Variants in MCL1 observed in about 807,000 individuals in gnomAD.
The protein encoded by MCL1 is induced myeloid leukemia cell differentiation protein Mcl-1.
A neutral mutation model predicts 24.2 loss-of-function variants in MCL1; 4 were observed. That is an observed-to-expected ratio of 0.17 (90% CI 0.08 to 0.38). The LOEUF is 0.38. Ranked by LOEUF, MCL1 falls within the 10% of genes least tolerant of loss-of-function variation. The pLI, the probability that MCL1 is intolerant of heterozygous loss-of-function variation, is 1.00. For missense variants in MCL1, 529 were observed against 480.3 expected, an observed-to-expected ratio of 1.10 and a Z score of -0.95; for synonymous variants, 248 against 214.0, an observed-to-expected ratio of 1.16 and a Z score of -1.39.
chr1:150,578,759 G>T, intron 1 of MCL1, 84 bp downstream of exon 1: 1 of 1,468,364 alleles, frequency 6.8e-7, no homozygotes, highest in Non-Finnish European at 9.3e-7. Flanking sequence ...ACTCGTTTCG[G>T]TTTCCAACCC....
intron 2 of MCL1, 66 bp downstream of exon 2, chr1:150,578,176 CCT>C (rs1647895328): frequency 2.6e-6 from 4 of 1,543,082 alleles, no homozygotes; most frequent in East Asian, 2.3e-5. Context: ...GATATCCCCA[CCT>C]CTCTAAAAAA....
intron 2 of MCL1, 54 bp downstream of exon 2, chr1:150,578,190 A>C: frequency 1.3e-6 from 2 of 1,571,168 alleles, no homozygotes; most frequent in South Asian, 2.4e-5. Context: ...TCTAAAAAAA[A>C]TCCTTCATTC....
In MCL1 at chr1:150,576,750, A is replaced by G; in HGVS notation, c.*625T>C. 1 of 232,678 alleles carries G rather than the reference A, an allele frequency of 4.3e-6. No homozygotes were observed. Among genetic ancestry groups the G allele is most frequent in the Non-Finnish European group, 8.5e-6 (1 of 117,612 alleles). 14.4% of individuals were successfully genotyped at this position (232,678 alleles called of 1,614,324 possible). On this transcript the variant is annotated 3_prime_UTR_variant, in exon 3 of 3. Transcript: ENST00000369026. Reference sequence around the variant, plus strand: ...TATCCATATTCATAACTAATTACTGAGCCTTCCGTCAAGTATTATTGGTGA... The same window carrying G: ...TATCCATATTCATAACTAATTACTGGGCCTTCCGTCAAGTATTATTGGTGA...
chr1:150,579,061 T>C lies in MCL1; in HGVS notation c.470A>G (p.Asp157Gly), dbSNP rs1363636001. 1.2e-6 allele frequency: 2 copies of C among 1,613,252 alleles called. No homozygotes were observed. Among genetic ancestry groups the C allele is most frequent in the Non-Finnish European group, 1.7e-6 (2 of 1,180,032 alleles). The change falls in exon 1 of 3, where the codon GAC becomes GGC. Residue 157 changes from aspartate to glycine, a missense_variant. Physicochemically the swap from Asp to Gly is moderately conservative, Grantham distance 94 (BLOSUM62 -1). Transcript: ENST00000369026. ...VGESGNNTST[D>G]GSLPSTPPPA... is the part of the protein sequence containing the mutation. ...CGGCGGCGTCGAGGGTAGTGACCCG[T>C]CCGTACTGGTGTTATTACCAGATTC...
chr1:150,578,699 G>T, intron 1 of MCL1, 144 bp downstream of exon 1: 1 of 1,048,522 alleles, frequency 9.5e-7, no homozygotes, highest in Non-Finnish European at 1.4e-6. Flanking sequence ...AATGACTCAT[G>T]GCCAGAATAT....
rs1647788048 is a variant in MCL1 at position 150,576,102 on chromosome 1, A to G, written c.*1273T>C. 4.3e-6 allele frequency: 1 copy of G among 233,506 alleles called. No individual in the cohort carries two copies. Among genetic ancestry groups the G allele is most frequent in the Non-Finnish European group, 8.5e-6 (1 of 118,018 alleles). The allele number at this position is 233,506 out of a possible 1,614,324, so 14.5% of individuals were successfully genotyped here. On this transcript the variant is annotated 3_prime_UTR_variant, in exon 3 of 3. Transcript: ENST00000369026. Reference sequence around the variant, plus strand: ...CATTTTATAATTTATTAAGCAAACAAGGGATCAAATGTCTCTCCATCCACC... The same window carrying G: ...CATTTTATAATTTATTAAGCAAACAGGGGATCAAATGTCTCTCCATCCACC...
chr1:150,579,266 C>G lies in MCL1; in HGVS notation c.265G>C (p.Val89Leu), dbSNP rs1165131663. ...PPPIGAEVPD[V>L]TATPARLLFF... ...AGCAGCCTCGCGGGGGTCGCGGTGA[C>G]GTCGGGGACCTCGGCGCCAATGGGC... The change falls in exon 1 of 3, where the codon GTC (valine) becomes CTC (leucine). Residue 89 changes from valine to leucine, a missense_variant. Physicochemically the swap from Val to Leu is conservative, Grantham distance 32. Coordinates refer to ENST00000369026, the MANE Select transcript of MCL1 (RefSeq NM_021960.5). The G allele has an allele frequency of 6.7e-7, 1 of 1,494,056 alleles. No homozygotes were observed. Among genetic ancestry groups the G allele is most frequent in the Non-Finnish European group, 8.9e-7 (1 of 1,127,958 alleles). The allele number at this position is 1,494,056 out of a possible 1,614,324, so 92.5% of individuals were successfully genotyped here. A position where few individuals can be genotyped will look rare whatever the true frequency, so the allele number is the denominator to read the frequency against.
At position 150,577,012 on chromosome 1, in the gene MCL1, C is replaced by T. The variant is rs74124936; in HGVS notation, c.*363G>A. The T allele has an allele frequency of 0.012, 3,346 of 286,782 alleles. 98 individuals are homozygous for T. The highest frequency in any genetic ancestry group is 0.066 in the African/African-American group (3,084 of 46,774). The allele number at this position is 286,782 out of a possible 1,614,324, so 17.8% of individuals were successfully genotyped here. ...CACTACAGTAAATTAATGAATTCGG[C>T]GGGTAATCAATTCTATGACTTGCCT... On this transcript the variant is annotated 3_prime_UTR_variant, in exon 3 of 3. Coordinates refer to ENST00000369026, the MANE Select transcript of MCL1 (RefSeq NM_021960.5).
In MCL1 at chr1:150,578,282, T is replaced by C. The variant is rs1371459638; in HGVS notation, c.898A>G (p.Arg300Gly). 1 of 1,614,218 alleles carries C rather than the reference T, an allele frequency of 6.2e-7. No homozygotes were observed. Among genetic ancestry groups the C allele is most frequent in the Admixed American group, 1.7e-5 (1 of 60,030 alleles). Residue 300 changes from arginine (R) to glycine (G), a missense_variant, in exon 2 of 3, where the codon AGG (arginine) becomes GGG (glycine). Arg to Gly is a moderately radical substitution (Grantham distance 125). Coordinates refer to ENST00000369026, the MANE Select transcript of MCL1 (RefSeq NM_021960.5). ...TTAACTAGCCAGTCCCGTTTTGTCC[T>C]TACGAGAACGTCTGTGATACTTTCT... ...LAESITDVLV[R>G]TKRDWLVKQR...
intron 1 of MCL1, 50 bp from the exon 2 acceptor site, chr1:150,578,541 G>C (rs1445231616): frequency 1.9e-6 from 3 of 1,600,254 alleles, no homozygotes; most frequent in Non-Finnish European, 2.6e-6. Context: ...GTCTAAACCG[G>C]CGCAAGATTC....
Position 150,574,871 on chromosome 1 carries a change from C to G in MCL1, c.*2504G>C, listed in dbSNP as rs1647721915. ...GATTTGCCCGAACTACGTAGCCAGTCAGCACTTAGACCACCTGCCTCCTCC... is the reference window on the plus strand; with the variant it reads ...GATTTGCCCGAACTACGTAGCCAGTGAGCACTTAGACCACCTGCCTCCTCC... On this transcript the variant is annotated 3_prime_UTR_variant, in exon 3 of 3. Transcript: ENST00000369026. 8.6e-6 allele frequency: 2 copies of G among 233,298 alleles called. No individual in the cohort carries two copies. Among genetic ancestry groups the G allele is most frequent in the South Asian group, 3.6e-4 (2 of 5,532 alleles). 14.5% of individuals were successfully genotyped at this position (233,298 alleles called of 1,614,324 possible).
rs1222456770 is a variant in MCL1 at position 150,574,726 on chromosome 1, A to G, written c.*2649T>C. 4.3e-6 allele frequency: 1 copy of G among 233,134 alleles called. No individual in the cohort carries two copies. The highest frequency in any genetic ancestry group is 8.5e-6 in the Non-Finnish European group (1 of 117,760). 14.4% of individuals were successfully genotyped at this position (233,134 alleles called of 1,614,324 possible). ...AAGGTGTTCACCCCCCACAGAATGT[A>G]CATGAAACACTAGAGGACTGCATGT... is the stretch of plus-strand genomic sequence containing the variant. On this transcript the variant is annotated 3_prime_UTR_variant, in exon 3 of 3. Transcript: ENST00000369026.
At position 150,579,398 on chromosome 1, in the gene MCL1, G is replaced by T. The variant is rs587712554; in HGVS notation, c.133C>A (p.Arg45=). The part of the protein sequence containing the change: ...LLATEKEASA[R]REIGGGEAGA... ...GCCTCCCCTCCCCCTATCTCTCGCC[G>T]GGCCGAGGCCTCCTTCTCCGTAGCC... is the stretch of plus-strand genomic sequence containing the variant. The change falls in exon 1 of 3, where the codon CGG becomes AGG. Residue 45 remains arginine, a synonymous_variant. Coordinates refer to ENST00000369026, the MANE Select transcript of MCL1 (RefSeq NM_021960.5). 2 of 1,556,224 alleles carry T rather than the reference G, an allele frequency of 1.3e-6. No homozygotes were observed. The highest frequency in any genetic ancestry group is 2.5e-5 in the East Asian group (1 of 40,388).
rs116763104 is a variant in MCL1, at chr1:150,576,579, C to T, written c.*796G>A. On this transcript the variant is annotated 3_prime_UTR_variant, in exon 3 of 3. Transcript: ENST00000369026. ...TAGAAAAGCTGTAAGAAACAGGTTCCTAATTACGGAAGTTGCAAAGTTCAA... is the reference window on the plus strand; with the variant it reads ...TAGAAAAGCTGTAAGAAACAGGTTCTTAATTACGGAAGTTGCAAAGTTCAA... The T allele has an allele frequency of 3.4e-5, 8 of 232,470 alleles. No individual in the cohort carries two copies. The highest frequency in any genetic ancestry group is 6.8e-5 in the Non-Finnish European group (8 of 117,402). The allele number at this position is 232,470 out of a possible 1,614,324, so 14.4% of individuals were successfully genotyped here. A position where few individuals can be genotyped will look rare whatever the true frequency, so the allele number is the denominator to read the frequency against.
rs34896634 is a variant in MCL1, at chr1:150,577,109, A to G, written c.*266T>C. The stretch of plus-strand genomic sequence containing the variant: ...CACCCTACCATCTTCACTAAATCTA[A>G]AAGTCCTCCTCCATAGCTTCCCAAA... On this transcript the variant is annotated 3_prime_UTR_variant, in exon 3 of 3. Coordinates refer to ENST00000369026, the MANE Select transcript of MCL1 (RefSeq NM_021960.5). 6.8e-3 allele frequency: 2,529 copies of G among 370,922 alleles called. 56 individuals carry two copies. The highest frequency in any genetic ancestry group is 0.047 in the African/African-American group (2,313 of 48,916). 23.0% of individuals were successfully genotyped at this position (370,922 alleles called of 1,614,324 possible).
chr1:150,578,656 G>A (rs1214212496), intron 1 of MCL1, 165 bp from the exon 2 acceptor site: 1 of 1,032,790 alleles, frequency 9.7e-7, no homozygotes, highest in African/African-American at 1.6e-5. Context: ...AACAAGAGCT[G>A]CCATTTCCAA....
Position 150,579,460 on chromosome 1 carries a change from C to T in MCL1, c.71G>A (p.Gly24Asp), listed in dbSNP as rs2101700813. The stretch of plus-strand genomic sequence containing the variant: ...TCCCGGGCGGGTGGCGCCGCCGCTG[C>T]CGGCCCCCAAGCCGGCCCCCCCACA... ...LYCGGAGLGA[G>D]SGGATRPGGR... Residue 24 changes from glycine (G) to aspartate (D), a missense_variant, in exon 1 of 3, where the codon GGC becomes GAC. Physicochemically the swap from Gly to Asp is moderately conservative, Grantham distance 94. Transcript: ENST00000369026. 1 of 1,591,988 alleles carries T rather than the reference C, an allele frequency of 6.3e-7. No homozygotes were observed. The highest frequency in any genetic ancestry group is 8.5e-7 in the Non-Finnish European group (1 of 1,171,150).
Position 150,577,227 on chromosome 1 carries a change from G to C in MCL1, c.*148C>G. 3.1e-6 allele frequency: 3 copies of C among 957,818 alleles called. No homozygotes were observed. Among genetic ancestry groups the C allele is most frequent in the Non-Finnish European group, 4.6e-6 (3 of 646,410 alleles). 59.3% of individuals were successfully genotyped at this position (957,818 alleles called of 1,614,324 possible). On this transcript the variant is annotated 3_prime_UTR_variant, in exon 3 of 3. Coordinates refer to ENST00000369026, the MANE Select transcript of MCL1 (RefSeq NM_021960.5). ...GCACTCTTCCCATGTATTTATTCTT[G>C]TTAGCCATAATCCTCTTGCCACTTG...
At position 150,579,265 on chromosome 1, in the gene MCL1, A is replaced by T. The variant is rs2101699744; in HGVS notation, c.266T>A (p.Val89Asp). ...PPPIGAEVPD[V>D]TATPARLLFF... Reference sequence around the variant, plus strand: ...AAGCAGCCTCGCGGGGGTCGCGGTGACGTCGGGGACCTCGGCGCCAATGGG... The same window carrying T: ...AAGCAGCCTCGCGGGGGTCGCGGTGTCGTCGGGGACCTCGGCGCCAATGGG... Residue 89 changes from valine to aspartate, a missense_variant, in exon 1 of 3, where the codon GTC (valine) becomes GAC (aspartate). Transcript: ENST00000369026. 1 of 1,494,532 alleles carries T rather than the reference A, an allele frequency of 6.7e-7. No individual in the cohort carries two copies. Among genetic ancestry groups the T allele is most frequent in the Non-Finnish European group, 8.9e-7 (1 of 1,128,006 alleles). 92.6% of individuals were successfully genotyped at this position (1,494,532 alleles called of 1,614,324 possible).
Sources: gnomAD v4.1 joint callset for allele counts on GRCh38, gnomAD v4.1.1 for gene constraint, MANE v1.5 for transcripts, NCBI Gene and HGNC (gene_info 2026-07-23, HGNC 2026-07-21) for gene names.